VKORC1: variants seen among roughly 807,000 people sequenced by gnomAD.
VKORC1 encodes vitamin K epoxide reductase complex subunit 1.
VKORC1 carries 12 observed loss-of-function variants against 14.8 expected under a neutral mutation model. The ratio of observed to expected loss-of-function variants is 0.81; its 90% CI spans 0.52 to 1.31. The LOEUF (loss-of-function observed/expected upper bound fraction) is 1.31, where lower values mean the gene tolerates loss of function less well. VKORC1 is among the 50% of genes most tolerant of loss of function. VKORC1 has a pLI of 0.00. For missense variants in VKORC1, 223 were observed against 215.3 expected (o/e 1.04, Z -0.22); for synonymous variants, 94 against 92.5 (o/e 1.02, Z -0.09).
chr16:31,091,438 C>T, intron 2 of VKORC1, 96 bp from the exon 3 acceptor site: 1 of 1,542,650 alleles, frequency 6.5e-7, no homozygotes, highest in Non-Finnish European at 8.7e-7. Context: ...CCAGGAGCTG[C>T]TGGGAAGGGT....
Position 31,091,003 on chromosome 16 carries a change from G to T in VKORC1, c.*131C>A, listed in dbSNP as rs11540137. Reference sequence around the variant, plus strand: ...ACATTTGGTCCATTGTCATGTGCGGGTATGGCAGGAGGAGGGGGTAATCTA... The same window carrying T: ...ACATTTGGTCCATTGTCATGTGCGGTTATGGCAGGAGGAGGGGGTAATCTA... On this transcript the variant is annotated 3_prime_UTR_variant, in exon 3 of 3. Coordinates refer to ENST00000394975, the MANE Select transcript of VKORC1 (RefSeq NM_024006.6). The T allele has an allele frequency of 2.8e-6, 4 of 1,451,188 alleles. No homozygotes were observed. The highest frequency in any genetic ancestry group is 2.8e-6 in the Non-Finnish European group (3 of 1,068,536). 89.9% of individuals were successfully genotyped at this position (1,451,188 alleles called of 1,614,324 possible).
chr16:31,094,624 C>T lies in VKORC1; in HGVS notation c.106G>A (p.Asp36Asn), dbSNP rs61742245. 1 of 1,606,390 alleles carries T rather than the reference C, an allele frequency of 6.2e-7. No homozygotes were observed. Among genetic ancestry groups the T allele is most frequent in the Non-Finnish European group, 8.5e-7 (1 of 1,177,966 alleles). Residue 36 changes from aspartate to asparagine, a missense_variant, in exon 1 of 3, where the codon GAC becomes AAC. Transcript: ENST00000394975. ...TCGCAGAGCGCGCGGTAATCCCGGT[C>T]CCGGGCGCGCGCCGCCTTCACGTGC... Reference protein sequence around the residue: ...ALHVKAARARDRDYRALCDVG... With the variant: ...ALHVKAARARNRDYRALCDVG...
At chr16:31,092,695 A>G in intron 2 of VKORC1, 1 of 1,238,644 alleles carries the variant, frequency 8.1e-7, no homozygotes, top group Non-Finnish European at 1.0e-6. Flanking sequence ...AATGAGACAA[A>G]AGATAGCTCA....
At chr16:31,092,916 CCT>C in intron 2 of VKORC1, 1 of 499,596 alleles carries the variant, frequency 2.0e-6, no homozygotes, top group Non-Finnish European at 3.2e-6. Context: ...GTGGTGCACG[CCT>C]GTGATTCCAG....
chr16:31,091,214 T>G lies in VKORC1; in HGVS notation c.412A>C (p.Thr138Pro). Residue 138 changes from threonine (T) to proline (P), a missense_variant, in exon 3 of 3, where the codon ACC becomes CCC. Coordinates refer to ENST00000394975, the MANE Select transcript of VKORC1 (RefSeq NM_024006.6). ...LYDFCIVCIT[T>P]YAINVSLMWL... is the part of the protein sequence containing the mutation. ...ATCAGGCTCACGTTGATAGCATAGGTGGTGATACAAACAATGCAGAAATCA... is the reference window on the plus strand; with the variant it reads ...ATCAGGCTCACGTTGATAGCATAGGGGGTGATACAAACAATGCAGAAATCA... 1.2e-6 allele frequency: 2 copies of G among 1,613,998 alleles called. No individual in the cohort carries two copies. Among genetic ancestry groups the G allele is most frequent in the Non-Finnish European group, 1.7e-6 (2 of 1,180,026 alleles).
intron 1 of VKORC1, chr16:31,094,009 G>A: frequency 2.4e-6 from 2 of 826,332 alleles, no homozygotes; most frequent in Non-Finnish European, 3.6e-6. Context: ...CGGCCCTTAA[G>A]TAATTCTTAA....
At chr16:31,092,114 G>A (rs1293981527) in intron 2 of VKORC1, among the ~76,000 whole-genome samples, 8 of 140,076 alleles carry the variant, frequency 5.7e-5, no homozygotes, top group African/African-American at 1.6e-4. Flanking sequence ...GGAGGCAGAG[G>A]TTGCAGTGAG....
intron 2 of VKORC1, 36 bp from the exon 3 acceptor site, chr16:31,091,378 G>C (rs1160107291): frequency 6.3e-7 from 1 of 1,596,874 alleles, no homozygotes; most frequent in African/African-American, 1.3e-5. Context: ...TGGGCTTCAG[G>C]CACTGGCCAC....
At chr16:31,092,616 G>A (rs998424026) in intron 2 of VKORC1, among the ~76,000 whole-genome samples, 4 of 152,188 alleles carry the variant, frequency 2.6e-5, no homozygotes, top group African/African-American at 4.8e-5. Flanking sequence ...GGGCGCCATC[G>A]TCTTCCACTC....
At chr16:31,094,277 C>T (rs2057312367) in intron 1 of VKORC1, 1 of 1,612,808 alleles carries the variant, frequency 6.2e-7, no homozygotes, top group Non-Finnish European at 8.5e-7. Context: ...CTACCGCCAT[C>T]CTGCCTCCCC....
At chr16:31,092,102 C>G (rs554237925) in intron 2 of VKORC1, among the ~76,000 whole-genome samples, 1 of 133,470 alleles carries the variant, frequency 7.5e-6, no homozygotes, top group Admixed American at 9.0e-5. Flanking sequence ...TGCTTGAACC[C>G]GGGAGGCAGA....
chr16:31,091,359 G>A lies in VKORC1; in HGVS notation c.284-17C>T. The A allele has an allele frequency of 6.2e-7, 1 of 1,608,294 alleles. No individual in the cohort carries two copies. Among genetic ancestry groups the A allele is most frequent in the East Asian group, 2.2e-5 (1 of 44,734 alleles). On this transcript the variant is annotated splice_polypyrimidine_tract_variant and intron_variant, in intron 2 of 2. Coordinates refer to ENST00000394975, the MANE Select transcript of VKORC1 (RefSeq NM_024006.6). Reference sequence around the variant, plus strand: ...GCAGGCAACCTGCAAGGCAGAAGAGGGTCCGGTGTGGGCTTCAGGCACTGG... The same window carrying A: ...GCAGGCAACCTGCAAGGCAGAAGAGAGTCCGGTGTGGGCTTCAGGCACTGG...
In VKORC1 at chr16:31,090,966, C is replaced by G. The variant is rs1010575442; in HGVS notation, c.*168G>C. On this transcript the variant is annotated 3_prime_UTR_variant, in exon 3 of 3. Transcript: ENST00000394975. ...CAGAGGCACTGGGTGTAAAAAAGAG[C>G]GAGCGTGTGGCACATTTGGTCCATT... The G allele has an allele frequency of 1.8e-6, 2 of 1,135,072 alleles. No homozygotes were observed. Among genetic ancestry groups the G allele is most frequent in the Non-Finnish European group, 2.5e-6 (2 of 804,562 alleles). The allele number at this position is 1,135,072 out of a possible 1,614,324, so 70.3% of individuals were successfully genotyped here. A position where few individuals can be genotyped will look rare whatever the true frequency, so the allele number is the denominator to read the frequency against.
At chr16:31,093,746 G>A in intron 1 of VKORC1, 1 of 268,972 alleles carries the variant, frequency 3.7e-6, no homozygotes, top group South Asian at 3.8e-5. Context: ...TCTCACTCTG[G>A]CCCAGGCTGG....
intron 1 of VKORC1, 151 bp downstream of exon 1, chr16:31,094,406 C>G: frequency 8.7e-6 from 14 of 1,612,950 alleles, no homozygotes; most frequent in Non-Finnish European, 1.2e-5. Context: ...ACACCAGTAT[C>G]GCTGGGTAGC....
At chr16:31,091,674 G>A (rs774145568) in intron 2 of VKORC1, among the ~76,000 whole-genome samples, 1 of 152,166 alleles carries the variant, frequency 6.6e-6, no homozygotes, top group Non-Finnish European at 1.5e-5. Flanking sequence ...ATCACCTGAG[G>A]TTAGGAGTTC....
At chr16:31,092,375 G>A (rs946532001) in intron 2 of VKORC1, among the ~76,000 whole-genome samples, 4 of 151,608 alleles carry the variant, frequency 2.6e-5, no homozygotes, top group African/African-American at 7.3e-5. Context: ...CCAAGGGACT[G>A]GTCTCTGAAG....
At position 31,094,575 on chromosome 16, in the gene VKORC1, G is replaced by T. The variant is rs769806539; in HGVS notation, c.155C>A (p.Ser52Ter). Residue 52 changes from serine to a stop codon, truncating the protein, a stop_gained, in exon 1 of 3, where the codon TCG becomes TAG. Transcript: ENST00000394975. LOFTEE classifies it high-confidence loss of function. ...LCDVGTAISC[S>*]RVFSSRWGRG... is the part of the protein sequence containing the mutation. The stretch of plus-strand genomic sequence containing the variant: ...TGCACACCTGGAGGAGAAGACGCGC[G>T]AACAGCTGATGGCGGTGCCCACGTC... 4.3e-6 allele frequency: 7 copies of T among 1,611,212 alleles called. No individual in the cohort carries two copies. In the Admixed American group the frequency reaches 1.2e-4, roughly 27 times the overall value.
intron 2 of VKORC1, among the ~76,000 whole-genome samples, chr16:31,092,432 TTAAA>T (rs1429759475): frequency 1.3e-5 from 2 of 152,076 alleles, no homozygotes; most frequent in African/African-American, 4.8e-5. Context: ...ATAAAATTTC[TTAAA>T]TAAATCGGCC....
Sources: allele counts gnomAD v4.1 joint callset (sites outside exome capture counted in the v4.1 genomes callset), GRCh38; gene constraint gnomAD v4.1.1; transcripts MANE v1.5; gene names NCBI Gene and HGNC (gene_info 2026-07-23, HGNC 2026-07-21).